Variants in ATXN1 observed in about 807,000 individuals in gnomAD.
ATXN1 encodes ataxin 1.
ATXN1 carries 8 observed loss-of-function variants against 56.4 expected under a neutral mutation model. That is an observed-to-expected ratio of 0.14 (90% CI 0.08 to 0.26). The LOEUF (loss-of-function observed/expected upper bound fraction) is 0.26. ATXN1 is among the 10% of genes least tolerant of loss of function. The pLI is 1.00. For missense variants in ATXN1, 987 were observed against 1,106.5 expected (o/e 0.89, Z 1.53); for synonymous variants, 514 against 494.6 (o/e 1.04, Z -0.52).
chr6:16,390,445 C>A (rs1758329257), intron 6 of ATXN1, among the ~76,000 whole-genome samples: 1 of 152,062 alleles, frequency 6.6e-6, no homozygotes, highest in Admixed American at 6.6e-5. Context: ...CATACTATTT[C>A]CATAACTGCC....
chr6:16,593,643 T>C (rs1267082750), intron 3 of ATXN1, among the ~76,000 whole-genome samples: 2 of 152,170 alleles, frequency 1.3e-5, no homozygotes, highest in Admixed American at 6.5e-5. Context: ...CTAAAATACA[T>C]AGTTTAATTG....
chr6:16,731,753 C>T (rs530345191), intron 2 of ATXN1, among the ~76,000 whole-genome samples: 2 of 151,878 alleles, frequency 1.3e-5, no homozygotes, highest in Admixed American at 1.3e-4. Flanking sequence ...TTTCCTTCTC[C>T]GCCTCTTTCT....
chr6:16,491,278 T>TTATTATTA (rs1491301470), intron 5 of ATXN1, among the ~76,000 whole-genome samples: 1 of 113,416 alleles, frequency 8.8e-6, no homozygotes, highest in African/African-American at 4.8e-5. Flanking sequence ...ATTATTATTA[T>TTATTATTA]TTTTTTTTTT....
At chr6:16,577,509 G>C (rs1762445852) in intron 4 of ATXN1, among the ~76,000 whole-genome samples, 2 of 136,696 alleles carry the variant, frequency 1.5e-5, no homozygotes, top group African/African-American at 2.9e-5. Context: ...GGGCAACAGA[G>C]CAAGACTCTG....
chr6:16,660,306 C>T (rs891910815), intron 2 of ATXN1, among the ~76,000 whole-genome samples: 1 of 152,172 alleles, frequency 6.6e-6, no homozygotes, highest in Non-Finnish European at 1.5e-5. Context: ...AGAGAAAGCA[C>T]AGGGGCCTAG....
At chr6:16,719,720 T>A (rs1759709234) in intron 2 of ATXN1, among the ~76,000 whole-genome samples, 2 of 152,126 alleles carry the variant, frequency 1.3e-5, no homozygotes, top group Admixed American at 1.3e-4. Context: ...CTAAATCCAA[T>A]GACCACTGTT....
At chr6:16,455,628 C>T (rs1167313618) in intron 6 of ATXN1, among the ~76,000 whole-genome samples, 1 of 152,314 alleles carries the variant, frequency 6.6e-6, no homozygotes, top group Admixed American at 6.5e-5. Context: ...ATGTTTATAG[C>T]AGCTTCATTC....
rs113619308 is a variant in ATXN1, at chr6:16,562,551, T to A, written c.-361+23229A>T. 5.8e-3 allele frequency among the ~76,000 whole-genome samples: 873 copies of A among 150,528 alleles called. 7 individuals carry two copies. Among genetic ancestry groups the A allele is most frequent in the African/African-American group, 0.02 (804 of 40,718 alleles). ...CAAAAGAAAAAGAAAAGAAAAGAAA[T>A]GAAATGGCTGGCAGCAGCCACCGTA... On this transcript the variant is annotated intron_variant, in intron 4 of 7. Coordinates refer to ENST00000436367, the MANE Select transcript of ATXN1 (RefSeq NM_001128164.2).
intron 6 of ATXN1, among the ~76,000 whole-genome samples, chr6:16,337,446 C>T (rs987634784): frequency 5.3e-5 from 8 of 152,236 alleles, no homozygotes; most frequent in Admixed American, 3.3e-4. Flanking sequence ...ACATGGAAAA[C>T]GCGCTGCAGT....
chr6:16,735,856 CA>C (rs1194940217), intron 2 of ATXN1, among the ~76,000 whole-genome samples: 1 of 151,946 alleles, frequency 6.6e-6, no homozygotes, highest in Non-Finnish European at 1.5e-5. Flanking sequence ...TCAAATAATA[CA>C]AAAAAAGCAT....
At chr6:16,505,917 C>T (rs150825968) in intron 5 of ATXN1, among the ~76,000 whole-genome samples, 55 of 152,308 alleles carry the variant, frequency 3.6e-4, no homozygotes, top group African/African-American at 1.2e-3. Context: ...ATATACCCAA[C>T]GAATGGCGAA....
chr6:16,550,532 T>G (rs1263406338), intron 4 of ATXN1, among the ~76,000 whole-genome samples: 1 of 152,252 alleles, frequency 6.6e-6, no homozygotes, highest in Non-Finnish European at 1.5e-5. Flanking sequence ...TATGCTCTTC[T>G]GTAGTTTTAA....
At chr6:16,368,894 T>G (rs1048644773) in intron 6 of ATXN1, among the ~76,000 whole-genome samples, 1 of 152,238 alleles carries the variant, frequency 6.6e-6, no homozygotes, top group Admixed American at 6.5e-5. Context: ...GTATCTGGAA[T>G]GTTGAAAGGT....
chr6:16,721,649 C>T (rs1386539449), intron 2 of ATXN1, among the ~76,000 whole-genome samples: 2 of 152,142 alleles, frequency 1.3e-5, no homozygotes, highest in Middle Eastern at 3.4e-3. Flanking sequence ...TAAATAAATA[C>T]GTACCAGGTA....
At chr6:16,670,267 C>T (rs1758513950) in intron 2 of ATXN1, among the ~76,000 whole-genome samples, 2 of 152,176 alleles carry the variant, frequency 1.3e-5, no homozygotes, top group Admixed American at 1.3e-4. Context: ...CCCCTCGTGC[C>T]CTCTCACCCA....
At chr6:16,443,774 A>G (rs1246967736) in intron 6 of ATXN1, among the ~76,000 whole-genome samples, 5 of 152,178 alleles carry the variant, frequency 3.3e-5, no homozygotes, top group Non-Finnish European at 7.4e-5. Context: ...GTTAAGTAAA[A>G]GCCTTGTGGC....
At chr6:16,604,093 C>T (rs1047569390) in intron 3 of ATXN1, among the ~76,000 whole-genome samples, 3 of 151,958 alleles carry the variant, frequency 2.0e-5, no homozygotes, top group Non-Finnish European at 4.4e-5. Flanking sequence ...GATAAGGCTT[C>T]GTAAAGGGGG....
chr6:16,718,034 A>G (rs930812663), intron 2 of ATXN1, among the ~76,000 whole-genome samples: 5 of 152,272 alleles, frequency 3.3e-5, no homozygotes, highest in African/African-American at 1.2e-4. Flanking sequence ...AGGAAAGTAA[A>G]TAAGAGCAAC....
chr6:16,495,114 G>A (rs1029547690), intron 5 of ATXN1, among the ~76,000 whole-genome samples: 1 of 152,202 alleles, frequency 6.6e-6, no homozygotes, highest in Non-Finnish European at 1.5e-5. Context: ...AATTTCTGAA[G>A]CATTTATAAA....
Sources: gnomAD v4.1 joint callset for allele counts (sites outside exome capture counted in the v4.1 genomes callset) on GRCh38, gnomAD v4.1.1 for gene constraint, MANE v1.5 for transcripts, NCBI Gene and HGNC (gene_info 2026-07-23, HGNC 2026-07-21) for gene names.